Variants in AK8 observed in about 807,000 individuals in gnomAD.
The protein encoded by AK8 is ATP-AMP transphosphorylase 8.
AK8 carries 44 observed loss-of-function variants against 54.6 expected under a neutral mutation model. That is an observed-to-expected ratio of 0.81 (90% CI 0.63 to 1.04). AK8 has a LOEUF of 1.04. AK8 is among the 50% of genes least tolerant of loss of function. The pLI, the probability that AK8 is intolerant of heterozygous loss-of-function variation, is 0.00. For synonymous variants in AK8, 239 were observed against 245.6 expected, an observed-to-expected ratio of 0.97 and a Z score of 0.25; for missense variants, 555 against 613.6, an observed-to-expected ratio of 0.90 and a Z score of 1.01.
intron 9 of AK8, 110 bp downstream of exon 9, chr9:132,823,095 C>T (rs1046985478): frequency 1.4e-6 from 2 of 1,423,558 alleles, no homozygotes; most frequent in East Asian, 5.1e-5. Flanking sequence ...AGAAGTGATA[C>T]TGACCCTTCC....
At chr9:132,859,683 C>G (rs1843310983) in intron 4 of AK8, among the ~76,000 whole-genome samples, 1 of 151,820 alleles carries the variant, frequency 6.6e-6, no homozygotes, top group African/African-American at 2.4e-5. Context: ...TCTTCCTCAC[C>G]TGAGCCTTTT....
intron 3 of AK8, among the ~76,000 whole-genome samples, chr9:132,866,344 C>CA (rs1022659420): frequency 8.6e-5 from 13 of 151,880 alleles, no homozygotes; most frequent in Non-Finnish European, 1.8e-4. Flanking sequence ...TGGGCCCAGG[C>CA]ATTTGCTGTA....
chr9:132,827,983 G>A, intron 7 of AK8, 30 bp downstream of exon 7: 1 of 1,551,532 alleles, frequency 6.4e-7, no homozygotes, highest in Non-Finnish European at 8.7e-7. Context: ...GAAACCCCAT[G>A]GGGCTGGGTG....
chr9:132,841,231 G>A (rs183934020), intron 5 of AK8, among the ~76,000 whole-genome samples: 12 of 152,278 alleles, frequency 7.9e-5, no homozygotes, highest in Admixed American at 3.9e-4. Flanking sequence ...AGTGTCCCTC[G>A]CTGCTGTCTG....
At chr9:132,852,965 G>C (rs2131378319) in intron 5 of AK8, among the ~76,000 whole-genome samples, 1 of 152,052 alleles carries the variant, frequency 6.6e-6, no homozygotes, top group Admixed American at 6.5e-5. Context: ...TGCAAGTTTG[G>C]AGGAAAATAC....
At chr9:132,809,874 T>C (rs1200728285) in intron 10 of AK8, among the ~76,000 whole-genome samples, 2 of 152,240 alleles carry the variant, frequency 1.3e-5, no homozygotes, top group African/African-American at 2.4e-5. Context: ...TATTCATAAA[T>C]AAGCAGGCTG....
chr9:132,858,930 A>C (rs768831528), intron 4 of AK8, among the ~76,000 whole-genome samples: 2 of 152,130 alleles, frequency 1.3e-5, no homozygotes, highest in East Asian at 3.9e-4. Flanking sequence ...TTTTCACAGG[A>C]GTGACGGAGC....
intron 11 of AK8, among the ~76,000 whole-genome samples, chr9:132,751,377 C>A (rs1564381934): frequency 8.0e-6 from 1 of 125,634 alleles, no homozygotes; most frequent in East Asian, 2.1e-4. Flanking sequence ...GAGTGAGACT[C>A]CAAAAAAAAA....
At chr9:132,800,512 T>C (rs1176077349) in intron 10 of AK8, among the ~76,000 whole-genome samples, 1 of 152,098 alleles carries the variant, frequency 6.6e-6, no homozygotes, top group Admixed American at 6.6e-5. Flanking sequence ...CTCAAGTCAA[T>C]TGCCCCAGAC....
intron 11 of AK8, among the ~76,000 whole-genome samples, chr9:132,753,981 C>T (rs1386268470): frequency 6.6e-6 from 1 of 152,220 alleles, no homozygotes; most frequent in African/African-American, 2.4e-5. Flanking sequence ...ACAGAGGGCA[C>T]TGGAGCCCGG....
At chr9:132,834,763 G>A (rs984477323) in intron 5 of AK8, among the ~76,000 whole-genome samples, 1 of 152,070 alleles carries the variant, frequency 6.6e-6, no homozygotes, top group South Asian at 2.1e-4. Context: ...TTATACAAAC[G>A]TGCAGATGCG....
chr9:132,772,664 A>G (rs1018843360), intron 11 of AK8, among the ~76,000 whole-genome samples: 2 of 152,174 alleles, frequency 1.3e-5, no homozygotes, highest in Non-Finnish European at 2.9e-5. Context: ...CAAGCTTATC[A>G]TGCCCAAAAC....
At chr9:132,740,644 G>A (rs7039229) in intron 11 of AK8, among the ~76,000 whole-genome samples, 82 of 152,224 alleles carry the variant, frequency 5.4e-4, no homozygotes, top group Middle Eastern at 6.8e-3. Context: ...TCGGCTCCCC[G>A]TTTGGATTTG....
intron 11 of AK8, among the ~76,000 whole-genome samples, chr9:132,749,292 T>A (rs537863467): frequency 6.6e-6 from 1 of 151,946 alleles, no homozygotes; most frequent in Non-Finnish European, 1.5e-5. Context: ...GGGAACTGGG[T>A]CTCAGGGAAG....
At chr9:132,814,078 G>C (rs572002735) in intron 10 of AK8, among the ~76,000 whole-genome samples, 16 of 152,054 alleles carry the variant, frequency 1.1e-4, no homozygotes, top group African/African-American at 3.9e-4. Flanking sequence ...AGGAGTTCAA[G>C]ATCAGCCTGG....
chr9:132,868,767 C>T lies in AK8; in HGVS notation c.170-1814G>A, dbSNP rs550692168. Among the ~76,000 whole-genome samples the T allele has an allele frequency of 5.3e-5, 8 of 152,308 alleles. No individual in the cohort carries two copies. In the South Asian group the frequency reaches 1.7e-3, roughly 32 times the overall value. On this transcript the variant is annotated intron_variant, in intron 2 of 12. Transcript: ENST00000298545. ...TTCAGGGCCACCTCCTTGGCCATCC[C>T]CATCTCGTCCTATGGTCACTGTTTG... is the stretch of plus-strand genomic sequence containing the variant.
At chr9:132,772,014 T>A (rs1480697381) in intron 11 of AK8, among the ~76,000 whole-genome samples, 1 of 152,138 alleles carries the variant, frequency 6.6e-6, no homozygotes. Context: ...TCAGATCTCA[T>A]GAGACTTATT....
At position 132,781,571 on chromosome 9, in the gene AK8, T is replaced by C. The variant is rs1839469678; in HGVS notation, c.1121+11063A>G. Among the ~76,000 whole-genome samples the C allele has an allele frequency of 6.6e-6, 1 of 152,196 alleles. No homozygotes were observed. Among genetic ancestry groups the C allele is most frequent in the Non-Finnish European group, 1.5e-5 (1 of 68,042 alleles). ...ATATTTTAATAATAAAATTGATATA[T>C]ATGTAAATTTATTTTAATCTAATTT... On this transcript the variant is annotated intron_variant, in intron 11 of 12. Transcript: ENST00000298545. The surrounding 1 kb of genome is among the most constrained non-coding windows in gnomAD (Gnocchi z 4.6).
intron 10 of AK8, among the ~76,000 whole-genome samples, chr9:132,806,803 T>C (rs147896838): frequency 3.6e-4 from 55 of 152,182 alleles, no homozygotes; most frequent in Admixed American, 3.6e-3. Context: ...ATCATCCCAA[T>C]TGGGGGCTGG....
Sources: allele counts gnomAD v4.1 joint callset (sites outside exome capture counted in the v4.1 genomes callset), GRCh38; gene constraint gnomAD v4.1.1; non-coding constraint Gnocchi (gnomAD v3.1); transcripts MANE v1.5; gene names NCBI Gene and HGNC (gene_info 2026-07-23, HGNC 2026-07-21).